The following TOMM70 variants were observed in gnomAD, a reference collection of about 807,000 sequenced individuals.
The protein encoded by TOMM70 is mitochondrial import receptor subunit TOM70.
A neutral mutation model predicts 73.6 loss-of-function variants in TOMM70; 13 were observed. That is an observed-to-expected ratio of 0.18 (90% confidence interval 0.11 to 0.28). TOMM70 has a LOEUF of 0.28. TOMM70 is among the 10% of genes least tolerant of loss of function. The probability of loss-of-function intolerance (pLI) is 1.00; values close to 1 mark genes in which losing one functional copy is unlikely to be tolerated. For missense variants in TOMM70, 609 were observed against 747.5 expected (o/e 0.81, Z 2.16); for synonymous variants, 257 against 271.2 (o/e 0.95, Z 0.51).
At chr3:100,394,147 ATTAAT>A (rs765080181) in intron 1 of TOMM70, among the ~76,000 whole-genome samples, 27 of 152,232 alleles carry the variant, frequency 1.8e-4, no homozygotes, top group Non-Finnish European at 2.8e-4. Flanking sequence ...TAAAATGGGT[ATTAAT>A]TTGTCACCAT....
At chr3:100,399,378 C>A (rs1706863183) in intron 1 of TOMM70, among the ~76,000 whole-genome samples, 2 of 151,994 alleles carry the variant, frequency 1.3e-5, no homozygotes, top group African/African-American at 4.8e-5. Context: ...GTTACTTGAC[C>A]AACTGTATAT....
chr3:100,388,499 G>C (rs1706718547), intron 1 of TOMM70, among the ~76,000 whole-genome samples: 1 of 152,128 alleles, frequency 6.6e-6, no homozygotes, highest in Non-Finnish European at 1.5e-5. Flanking sequence ...AACTGCTTGA[G>C]CCCAGGAGTT....
chr3:100,392,075 G>A (rs1706769373), intron 1 of TOMM70, among the ~76,000 whole-genome samples: 1 of 152,166 alleles, frequency 6.6e-6, no homozygotes, highest in Non-Finnish European at 1.5e-5. Context: ...ATAAAATGCA[G>A]TACAGGTTTG....
rs1045610 is a variant in TOMM70 at position 100,365,176 on chromosome 3, T to A, written c.*388A>T. On this transcript the variant is annotated 3_prime_UTR_variant, in exon 12 of 12. Transcript: ENST00000284320. ...TACTACGTTAATTTAAAAATCAACATGCTGTAAAATACTTACATTATTCAC... is the reference window on the plus strand; with the variant it reads ...TACTACGTTAATTTAAAAATCAACAAGCTGTAAAATACTTACATTATTCAC... 28,664 of 159,126 alleles carry A rather than the reference T, an allele frequency of 0.18. 3,043 individuals carry two copies. Among genetic ancestry groups the A allele is most frequent in the Non-Finnish European group, 0.24 (17,634 of 72,734 alleles). The allele number at this position is 159,126 out of a possible 1,614,324, so 9.9% of individuals were successfully genotyped here. A position where few individuals can be genotyped will look rare whatever the true frequency, so the allele number is the denominator to read the frequency against.
chr3:100,380,708 G>A (rs193190990), intron 5 of TOMM70, among the ~76,000 whole-genome samples: 18 of 152,208 alleles, frequency 1.2e-4, no homozygotes, highest in Admixed American at 9.8e-4. Flanking sequence ...GAGCTAATAC[G>A]ACATCTTAAA....
At position 100,378,047 on chromosome 3, in the gene TOMM70, C is replaced by A. The variant is rs546360501; in HGVS notation, c.885-135G>T. 171 of 648,232 alleles carry A rather than the reference C, an allele frequency of 2.6e-4. No individual in the cohort carries two copies. The South Asian group carries it at 3.0e-3, about 11-fold the overall frequency. 40.2% of individuals were successfully genotyped at this position (648,232 alleles called of 1,614,324 possible). Reference sequence around the variant, plus strand: ...GGATCACGAGGTCAGGCATTCGAGACCAGCCTGGCCAACATGGTGAAACCC... The same window carrying A: ...GGATCACGAGGTCAGGCATTCGAGAACAGCCTGGCCAACATGGTGAAACCC... On this transcript the variant is annotated intron_variant, in intron 5 of 11. Transcript: ENST00000284320.
chr3:100,399,791 T>C (rs552286187), intron 1 of TOMM70, among the ~76,000 whole-genome samples: 1 of 148,110 alleles, frequency 6.8e-6, no homozygotes, highest in Non-Finnish European at 1.5e-5. Context: ...GGCAGGGGGC[T>C]GTGTGCAACC....
intron 1 of TOMM70, among the ~76,000 whole-genome samples, chr3:100,394,743 T>C (rs1706802967): frequency 6.6e-6 from 1 of 152,144 alleles, no homozygotes; most frequent in African/African-American, 2.4e-5. Flanking sequence ...CCTCAGGTGA[T>C]CCACCTGCCT....
intron 9 of TOMM70, among the ~76,000 whole-genome samples, chr3:100,370,762 C>A (rs543162875): frequency 1.6e-4 from 24 of 152,218 alleles, no homozygotes; most frequent in Admixed American, 1.3e-3. Context: ...TGAGTGCAAA[C>A]TGACTGTAAT....
At chr3:100,367,338 A>C (rs1343624291) in intron 11 of TOMM70, among the ~76,000 whole-genome samples, 1 of 152,138 alleles carries the variant, frequency 6.6e-6, no homozygotes, top group Non-Finnish European at 1.5e-5. Flanking sequence ...GGAGAGGACT[A>C]CAGGAGGGGC....
chr3:100,367,929 T>G, intron 11 of TOMM70, 115 bp downstream of exon 11: 1 of 1,154,512 alleles, frequency 8.7e-7, no homozygotes, highest in Non-Finnish European at 1.2e-6. Flanking sequence ...CCAACGTGAA[T>G]AATACAGGTG....
chr3:100,373,587 C>G lies in TOMM70; in HGVS notation c.1286G>C (p.Arg429Thr), dbSNP rs531382039. 1 of 1,613,098 alleles carries G rather than the reference C, an allele frequency of 6.2e-7. No individual in the cohort carries two copies. The highest frequency in any genetic ancestry group is 1.1e-5 in the South Asian group (1 of 90,936). The part of the protein sequence containing the change: ...EAVADFDECI[R>T]LRPESALAQA... ...TGCCAGAGCAGACTCAGGTCTTAACCTAATACATTCATCAAAATCTGCCAC... is the reference window on the plus strand; with the variant it reads ...TGCCAGAGCAGACTCAGGTCTTAACGTAATACATTCATCAAAATCTGCCAC... The change falls in exon 8 of 12, where the codon AGG becomes ACG. Residue 429 changes from arginine (R) to threonine (T), a missense_variant. Arg to Thr is a moderately conservative substitution (Grantham distance 71). Around this residue, in one of 2 missense-constraint regions of TOMM70, gnomAD observed 432 missense variants for 584.1 expected, o/e 0.74. Transcript: ENST00000284320.
In TOMM70 at chr3:100,386,958, T is replaced by G; in HGVS notation, c.345A>C (p.Gln115His). ...ATTTATTGCCTTTATTCTTGGCTGC[T>G]TGGGCTCTATCAAGAGAGTTCTGAA... ...HLDMNSLDRA[Q>H]AAKNKGNKYF... The change falls in exon 2 of 12, where the codon CAA (glutamine) becomes CAC (histidine). Residue 115 changes from glutamine to histidine, a missense_variant. Coordinates refer to ENST00000284320, the MANE Select transcript of TOMM70 (RefSeq NM_014820.5). The G allele has an allele frequency of 6.2e-7, 1 of 1,613,978 alleles. No individual in the cohort carries two copies. The highest frequency in any genetic ancestry group is 2.2e-5 in the East Asian group (1 of 44,840).
At chr3:100,384,692 T>C in intron 3 of TOMM70, 104 bp from the exon 4 acceptor site, 1 of 673,520 alleles carries the variant, frequency 1.5e-6, no homozygotes, top group Non-Finnish European at 2.3e-6. Context: ...ACTAAATTCA[T>C]GGCCAAATGG....
intron 6 of TOMM70, chr3:100,377,450 G>A: frequency 2.3e-6 from 1 of 427,600 alleles, no homozygotes; most frequent in Non-Finnish European, 4.3e-6. Context: ...GTAGGCAGTG[G>A]CTACAGGGAG....
intron 3 of TOMM70, 23 bp from the exon 4 acceptor site, chr3:100,384,611 G>A: frequency 6.8e-7 from 1 of 1,472,614 alleles, no homozygotes; most frequent in South Asian, 1.4e-5. Flanking sequence ...AAAAACACAA[G>A]GGTAAATATA....
chr3:100,387,833 G>C (rs1576216794), intron 1 of TOMM70, among the ~76,000 whole-genome samples: 1 of 152,022 alleles, frequency 6.6e-6, no homozygotes, highest in African/African-American at 2.4e-5. Flanking sequence ...ATGGGGTTTT[G>C]CCATGTTGCC....
chr3:100,399,152 C>T (rs1375535414), intron 1 of TOMM70, among the ~76,000 whole-genome samples: 1 of 151,836 alleles, frequency 6.6e-6, no homozygotes, highest in Non-Finnish European at 1.5e-5. Flanking sequence ...CATGGTGGCG[C>T]GCGCCTGTAG....
At chr3:100,375,194 T>G (rs1195003210) in intron 6 of TOMM70, 42 bp from the exon 7 acceptor site, 13 of 1,502,586 alleles carry the variant, frequency 8.7e-6, no homozygotes, top group Non-Finnish European at 1.2e-5. Flanking sequence ...TTACTTTTTT[T>G]TCCCTCCAAT....
Sources: gnomAD v4.1 joint callset for allele counts (sites outside exome capture counted in the v4.1 genomes callset) on GRCh38, gnomAD v4.1.1 for gene constraint, gnomAD v4.1.1 regional missense constraint, MANE v1.5 for transcripts, NCBI Gene and HGNC (gene_info 2026-07-23, HGNC 2026-07-21) for gene names.